Variants in SEMA6D observed in about 807,000 individuals in gnomAD.
The protein encoded by SEMA6D is semaphorin 6D.
SEMA6D carries 35 observed loss-of-function variants against 106.6 expected under a neutral mutation model. The ratio of observed to expected loss-of-function variants is 0.33; its 90% CI spans 0.25 to 0.44. SEMA6D has a LOEUF of 0.44. Ranked by LOEUF, SEMA6D falls within the 20% of genes least tolerant of loss-of-function variation. SEMA6D has a pLI of 1.00. For synonymous variants in SEMA6D, 499 were observed against 487.7 expected, an observed-to-expected ratio of 1.02 and a Z score of -0.31; for missense variants, 1,185 against 1,345.9, an observed-to-expected ratio of 0.88 and a Z score of 1.87.
At chr15:47,741,009 C>T (rs956705447) in intron 1 of SEMA6D, among the ~76,000 whole-genome samples, 2 of 152,178 alleles carry the variant, frequency 1.3e-5, no homozygotes, top group Admixed American at 6.5e-5. Context: ...GACACAGTTA[C>T]CTGCTAGACT....
At chr15:47,330,833 G>A (rs879427048) in intron 1 of SEMA6D, among the ~76,000 whole-genome samples, 6 of 152,126 alleles carry the variant, frequency 3.9e-5, no homozygotes, top group Non-Finnish European at 8.8e-5. Flanking sequence ...TAAAGTTCCA[G>A]GTAGACAAGA....
intron 1 of SEMA6D, among the ~76,000 whole-genome samples, chr15:47,188,751 T>C (rs62017385): frequency 1.3e-5 from 2 of 152,206 alleles, no homozygotes; most frequent in Non-Finnish European, 2.9e-5. Context: ...AAAGTTGTTA[T>C]GAATAAGTGT....
chr15:47,437,086 G>A (rs1345782427), intron 2 of SEMA6D, among the ~76,000 whole-genome samples: 2 of 151,352 alleles, frequency 1.3e-5, no homozygotes, highest in African/African-American at 2.4e-5. Flanking sequence ...ATAGAAGAGA[G>A]GATGGTTTGG....
chr15:47,521,126 G>C (rs1008802205), intron 3 of SEMA6D, among the ~76,000 whole-genome samples: 1 of 152,138 alleles, frequency 6.6e-6, no homozygotes, highest in Non-Finnish European at 1.5e-5. Context: ...GCTCCATCTT[G>C]AGGAGACGTG....
chr15:47,240,747 A>C (rs939372916), intron 1 of SEMA6D, among the ~76,000 whole-genome samples: 1 of 152,202 alleles, frequency 6.6e-6, no homozygotes, highest in African/African-American at 2.4e-5. Context: ...TCATGTACAT[A>C]ATGATTGGTA....
intron 4 of SEMA6D, among the ~76,000 whole-genome samples, chr15:47,677,884 G>T (rs923903160): frequency 3.3e-5 from 5 of 152,034 alleles, no homozygotes; most frequent in African/African-American, 1.2e-4. Flanking sequence ...GATGATTAAA[G>T]ACTTTTCACA....
Position 47,764,341 on chromosome 15 carries a change from C to G in SEMA6D, c.1097+36C>G, listed in dbSNP as rs764783988. ...AAGTAGAAAAGGGTTTTGTCTTGAA[C>G]AAAACCTTCCGGTCATTGGAAGCAT... On this transcript the variant is annotated intron_variant, in intron 11 of 18. Transcript: ENST00000536845. 7 of 1,596,126 alleles carry G rather than the reference C, an allele frequency of 4.4e-6. No homozygotes were observed. In the East Asian group the frequency reaches 1.6e-4, roughly 36 times the overall value.
At chr15:47,321,375 C>T (rs2143676908) in intron 1 of SEMA6D, among the ~76,000 whole-genome samples, 1 of 152,256 alleles carries the variant, frequency 6.6e-6, no homozygotes, top group African/African-American at 2.4e-5. Flanking sequence ...ATAATGAATA[C>T]ACGTATTTCA....
chr15:47,425,672 C>CTTTTT (rs750135945), intron 2 of SEMA6D, among the ~76,000 whole-genome samples: 1 of 136,632 alleles, frequency 7.3e-6, no homozygotes. Context: ...AAGATACTTT[C>CTTTTT]TTTTTTTTTT....
rs190103644 is a variant in SEMA6D, at chr15:47,484,004, C to T, written c.-87+13459C>T. On this transcript the variant is annotated intron_variant, in intron 3 of 19. Coordinates refer to the SEMA6D transcript ENST00000558014. Reference sequence around the variant, plus strand: ...CTGTGTGCAAAAATCTTAAAGAGCACTTCATGTTGAACCTTTGCAGAGATA... The same window carrying T: ...CTGTGTGCAAAAATCTTAAAGAGCATTTCATGTTGAACCTTTGCAGAGATA... 4.7e-4 allele frequency among the ~76,000 whole-genome samples: 71 copies of T among 152,236 alleles called. 1 individual carries two copies. The East Asian group carries it at 0.013, about 27-fold the overall frequency.
At chr15:47,423,770 T>C (rs2041243056) in intron 2 of SEMA6D, among the ~76,000 whole-genome samples, 3 of 152,084 alleles carry the variant, frequency 2.0e-5, no homozygotes. Flanking sequence ...AATTTTATTC[T>C]TTTACAGTCT....
chr15:47,719,739 C>T (rs1457995085), intron 1 of SEMA6D, among the ~76,000 whole-genome samples: 3 of 152,156 alleles, frequency 2.0e-5, no homozygotes, highest in Non-Finnish European at 4.4e-5. Flanking sequence ...TTTTACTCTC[C>T]TTTGGTGGCT....
chr15:47,724,413 G>A (rs966640095), intron 1 of SEMA6D, among the ~76,000 whole-genome samples: 12 of 152,230 alleles, frequency 7.9e-5, no homozygotes, highest in African/African-American at 2.9e-4. Context: ...CTGAAACGCT[G>A]TGTGTTTTAA....
chr15:47,315,349 A>T (rs940597212), intron 1 of SEMA6D, among the ~76,000 whole-genome samples: 4 of 152,146 alleles, frequency 2.6e-5, no homozygotes, highest in Admixed American at 1.3e-4. Flanking sequence ...TGTTGAACAG[A>T]CTATCTTTGC....
chr15:47,597,633 A>G (rs2076563565), intron 3 of SEMA6D, among the ~76,000 whole-genome samples: 1 of 151,958 alleles, frequency 6.6e-6, no homozygotes, highest in Non-Finnish European at 1.5e-5. Flanking sequence ...GAACAATTAC[A>G]TGTTCTCACT....
At chr15:47,464,829 A>T (rs2042611884) in intron 2 of SEMA6D, among the ~76,000 whole-genome samples, 1 of 152,174 alleles carries the variant, frequency 6.6e-6, no homozygotes, top group Non-Finnish European at 1.5e-5. Context: ...AATCAAAGTG[A>T]CAGTCCCATG....
At chr15:47,214,915 T>C (rs1595751590) in intron 1 of SEMA6D, among the ~76,000 whole-genome samples, 1 of 152,046 alleles carries the variant, frequency 6.6e-6, no homozygotes, top group Non-Finnish European at 1.5e-5. Context: ...TTGGCTAATA[T>C]AGTATCATCT....
At chr15:47,445,004 G>A (rs1306872620) in intron 2 of SEMA6D, among the ~76,000 whole-genome samples, 4 of 152,066 alleles carry the variant, frequency 2.6e-5, no homozygotes, top group Non-Finnish European at 5.9e-5. Context: ...CTGGAAGGGG[G>A]ATGGAGTGGG....
chr15:47,705,013 T>A (rs957432395), intron 4 of SEMA6D, among the ~76,000 whole-genome samples: 2 of 152,232 alleles, frequency 1.3e-5, no homozygotes, highest in African/African-American at 4.8e-5. Flanking sequence ...AGCATCTTTG[T>A]GTTACCACTC....
Sources: gnomAD v4.1 joint callset for allele counts (sites outside exome capture counted in the v4.1 genomes callset) on GRCh38, gnomAD v4.1.1 for gene constraint, MANE v1.5 for transcripts, NCBI Gene and HGNC (gene_info 2026-07-23, HGNC 2026-07-21) for gene names.